TMTC2: variants seen among roughly 807,000 people sequenced by gnomAD.
TMTC2 encodes transmembrane O-mannosyltransferase targeting cadherins 2.
Under a neutral mutation model 82.4 loss-of-function variants are expected in TMTC2, and 43 were observed. The ratio of observed to expected loss-of-function variants is 0.52; its 90% confidence interval spans 0.41 to 0.67. TMTC2 has a LOEUF of 0.67. TMTC2 is among the 30% of genes least tolerant of loss of function. TMTC2 has a pLI of 0.00. For synonymous variants in TMTC2, 408 were observed against 381.9 expected, an observed-to-expected ratio of 1.07 and a Z score of -0.80; for missense variants, 919 against 1,012.4, an observed-to-expected ratio of 0.91 and a Z score of 1.25.
chr12:82,741,708 A>G (rs190454020), intron 1 of TMTC2, among the ~76,000 whole-genome samples: 8 of 152,370 alleles, frequency 5.3e-5, no homozygotes, highest in Non-Finnish European at 1.0e-4. Context: ...AATTTCATCC[A>G]TGACATGATT....
chr12:82,984,188 T>G (rs955125793), intron 7 of TMTC2, among the ~76,000 whole-genome samples: 7 of 152,106 alleles, frequency 4.6e-5, no homozygotes, highest in Non-Finnish European at 1.0e-4. Flanking sequence ...CACCAACTTC[T>G]TAAGTGCAGA....
intron 1 of TMTC2, among the ~76,000 whole-genome samples, chr12:82,736,977 A>AT (rs1343780428): frequency 1.3e-5 from 2 of 152,206 alleles, no homozygotes; most frequent in Non-Finnish European, 2.9e-5. Flanking sequence ...GATTTTAGAC[A>AT]TTCTTAAATC....
intron 2 of TMTC2, among the ~76,000 whole-genome samples, chr12:82,879,623 A>G (rs574200511): frequency 6.9e-4 from 105 of 152,332 alleles, no homozygotes; most frequent in Middle Eastern, 3.4e-3. Flanking sequence ...CTGGATTTAT[A>G]ATCAAAGGAC....
At chr12:83,088,795 G>C (rs1228619933) in intron 11 of TMTC2, among the ~76,000 whole-genome samples, 1 of 152,158 alleles carries the variant, frequency 6.6e-6, no homozygotes, top group Non-Finnish European at 1.5e-5. Context: ...TCTCTTCCGG[G>C]TTGAGCAGGT....
At chr12:82,882,833 A>G (rs574608980) in intron 2 of TMTC2, among the ~76,000 whole-genome samples, 74 of 152,192 alleles carry the variant, frequency 4.9e-4, no homozygotes, top group Non-Finnish European at 9.3e-4. Context: ...CGAGGCAGGC[A>G]GATCACAAGG....
intron 2 of TMTC2, among the ~76,000 whole-genome samples, chr12:82,876,152 T>TG (rs1219282928): frequency 4.1e-5 from 6 of 146,196 alleles, no homozygotes; most frequent in African/African-American, 1.5e-4. Flanking sequence ...GTGGTGGTGG[T>TG]GGTAGTGGTG....
At chr12:82,879,652 T>C (rs1429987675) in intron 2 of TMTC2, among the ~76,000 whole-genome samples, 2 of 152,216 alleles carry the variant, frequency 1.3e-5, no homozygotes, top group Non-Finnish European at 2.9e-5. Context: ...TGAGTCCTAA[T>C]TCTTCTACCC....
intron 11 of TMTC2, among the ~76,000 whole-genome samples, chr12:83,088,490 C>T (rs533334424): frequency 7.2e-5 from 11 of 152,250 alleles, no homozygotes; most frequent in East Asian, 5.8e-4. Context: ...TCTTTTATAA[C>T]GAGAGATGTG....
At chr12:82,730,218 C>G (rs1471318206) in intron 1 of TMTC2, among the ~76,000 whole-genome samples, 1 of 143,164 alleles carries the variant, frequency 7.0e-6, no homozygotes, top group African/African-American at 2.6e-5. Context: ...TCGCTTGAAC[C>G]CAGGAGGCAG....
chr12:82,756,152 GT>G (rs1876313758), intron 1 of TMTC2, among the ~76,000 whole-genome samples: 1 of 152,024 alleles, frequency 6.6e-6, no homozygotes, highest in African/African-American at 2.4e-5. Flanking sequence ...ATTTGGGTAT[GT>G]TCTACTTTGT....
chr12:83,067,519 CTG>C (rs1310176771), intron 11 of TMTC2, among the ~76,000 whole-genome samples: 2 of 151,758 alleles, frequency 1.3e-5, no homozygotes, highest in African/African-American at 4.8e-5. Flanking sequence ...AAAAAGGAGA[CTG>C]TGAAGATACA....
intron 11 of TMTC2, among the ~76,000 whole-genome samples, chr12:83,111,486 T>G (rs1884597770): frequency 6.6e-6 from 1 of 152,220 alleles, no homozygotes; most frequent in Non-Finnish European, 1.5e-5. Context: ...TGATGTATTC[T>G]TCTTTTGAGG....
intron 10 of TMTC2, 46 bp downstream of exon 10, chr12:83,051,064 G>T: frequency 7.2e-7 from 1 of 1,382,194 alleles, no homozygotes; most frequent in Non-Finnish European, 1.0e-6. Flanking sequence ...CTTTGAGAGG[G>T]TAATTAATTA....
At chr12:83,032,850 T>C (rs916981285) in intron 9 of TMTC2, among the ~76,000 whole-genome samples, 9 of 152,266 alleles carry the variant, frequency 5.9e-5, no homozygotes, top group Non-Finnish European at 1.0e-4. Flanking sequence ...CGTGAGCCAC[T>C]GCGCCCAGCC....
At chr12:82,795,246 A>G (rs2137028085) in intron 1 of TMTC2, among the ~76,000 whole-genome samples, 1 of 149,982 alleles carries the variant, frequency 6.7e-6, no homozygotes, top group African/African-American at 2.4e-5. Flanking sequence ...CAGGGGTTGC[A>G]GTGAGCCGAG....
At chr12:83,084,195 A>G (rs1883568128) in intron 11 of TMTC2, among the ~76,000 whole-genome samples, 1 of 152,212 alleles carries the variant, frequency 6.6e-6, no homozygotes, top group Non-Finnish European at 1.5e-5. Flanking sequence ...AGCCCATAGT[A>G]GAAGTAACAA....
chr12:82,790,514 C>G (rs1878415552), intron 1 of TMTC2, among the ~76,000 whole-genome samples: 1 of 151,946 alleles, frequency 6.6e-6, no homozygotes, highest in South Asian at 2.1e-4. Context: ...ATTGCTGGAC[C>G]AGACTCAATG....
intron 1 of TMTC2, among the ~76,000 whole-genome samples, chr12:82,796,415 C>A (rs926349367): frequency 6.6e-6 from 1 of 152,048 alleles, no homozygotes; most frequent in African/African-American, 2.4e-5. Context: ...TGAAAAATTT[C>A]AAGAAAAGCT....
At chr12:82,724,895 C>T (rs151242168) in intron 1 of TMTC2, among the ~76,000 whole-genome samples, 84 of 152,194 alleles carry the variant, frequency 5.5e-4, no homozygotes, top group African/African-American at 1.9e-3. Context: ...GTACAATAAA[C>T]ACATTTCTGC....
Sources: allele counts gnomAD v4.1 joint callset (sites outside exome capture counted in the v4.1 genomes callset), GRCh38; gene constraint gnomAD v4.1.1; transcripts MANE v1.5; gene names NCBI Gene and HGNC (gene_info 2026-07-23, HGNC 2026-07-21).